Variants in SMAD1 observed in about 807,000 individuals in gnomAD.
SMAD1 encodes SMAD family member 1.
In SMAD1, 6 loss-of-function variants were observed where a neutral mutation model predicts 41.6. The observed-to-expected ratio is 0.14, with a 90% CI of 0.08 to 0.28. The LOEUF (loss-of-function observed/expected upper bound fraction) is 0.28, where lower values mean the gene tolerates loss of function less well. Ranked by LOEUF, SMAD1 falls within the 10% of genes least tolerant of loss-of-function variation. The pLI, the probability that SMAD1 is intolerant of heterozygous loss-of-function variation, is 1.00. For synonymous variants in SMAD1, 206 were observed against 203.2 expected (o/e 1.01, Z -0.12); for missense variants, 379 against 582.6 (o/e 0.65, Z 3.60).
At chr4:145,552,323 G>T (rs981228452) in intron 5 of SMAD1, among the ~76,000 whole-genome samples, 4 of 152,184 alleles carry the variant, frequency 2.6e-5, no homozygotes, top group Admixed American at 2.6e-4. Flanking sequence ...AACAAAACTT[G>T]TAATGTTTTC....
At chr4:145,524,470 T>C (rs1350810102) in intron 2 of SMAD1, among the ~76,000 whole-genome samples, 1 of 152,228 alleles carries the variant, frequency 6.6e-6, no homozygotes, top group Admixed American at 6.5e-5. Flanking sequence ...TATACATCGA[T>C]GGAAGCAGAC....
chr4:145,552,495 CT>C (rs1448129331), intron 5 of SMAD1, among the ~76,000 whole-genome samples: 4 of 152,066 alleles, frequency 2.6e-5, no homozygotes, highest in Non-Finnish European at 4.4e-5. Context: ...CCCTACTTTC[CT>C]TTTTTTAAAG....
At chr4:145,553,681 G>A (rs1732681577) in intron 5 of SMAD1, 103 bp from the exon 6 acceptor site, 9 of 1,095,834 alleles carry the variant, frequency 8.2e-6, no homozygotes, top group Non-Finnish European at 1.2e-5. Flanking sequence ...ACTAGCCAAA[G>A]TTTAAATCCA....
At chr4:145,527,672 C>T (rs1242322931) in intron 2 of SMAD1, among the ~76,000 whole-genome samples, 1 of 152,002 alleles carries the variant, frequency 6.6e-6, no homozygotes, top group Non-Finnish European at 1.5e-5. Flanking sequence ...TGCTGCTAAC[C>T]ACTGTGCTAT....
chr4:145,494,035 C>T (rs1411943088), intron 1 of SMAD1, among the ~76,000 whole-genome samples: 5 of 152,168 alleles, frequency 3.3e-5, no homozygotes, highest in Non-Finnish European at 4.4e-5. Flanking sequence ...GATCTTGGCT[C>T]ACTGCAACCT....
intron 1 of SMAD1, among the ~76,000 whole-genome samples, chr4:145,512,012 A>G (rs1010082096): frequency 6.6e-6 from 1 of 152,068 alleles, no homozygotes; most frequent in South Asian, 2.1e-4. Flanking sequence ...TCATTTTTTG[A>G]ATGTGTTTTT....
rs563299550 is a variant in SMAD1 at position 145,558,646 on chromosome 4, T to A, written c.*712T>A. Among the ~76,000 whole-genome samples the A allele has an allele frequency of 1.3e-5, 2 of 152,258 alleles. No individual in the cohort carries two copies. Among genetic ancestry groups the A allele is most frequent in the South Asian group, 4.2e-4 (2 of 4,818 alleles). On this transcript the variant is annotated 3_prime_UTR_variant, in exon 7 of 7. Transcript: ENST00000302085. ...ACAACTGCAAATGTAGACTATACTG[T>A]AAAAATTCAGTTTGTTGCTTTAAAG...
chr4:145,546,681 T>G lies in SMAD1; in HGVS notation c.776-22T>G, dbSNP rs1483016360. On this transcript the variant is annotated intron_variant, in intron 4 of 6. Transcript: ENST00000302085. ...AGCCTGAGGCACTAACCTTGGTTGA[T>G]ATAACATTTTCTTTCCTCTAGATGT... The G allele has an allele frequency of 6.4e-6, 10 of 1,571,000 alleles. No individual in the cohort carries two copies. In the Admixed American group the frequency reaches 1.5e-4, roughly 24 times the overall value.
Position 145,546,782 on chromosome 4 carries a change from A to G in SMAD1, c.855A>G (p.Glu285=). Residue 285 remains glutamate, a synonymous_variant, in exon 5 of 7, where the codon GAA becomes GAG. Coordinates refer to ENST00000302085, the MANE Select transcript of SMAD1 (RefSeq NM_005900.3). The part of the protein sequence containing the change: ...VYYELNNRVG[E]AFHASSTSVL... ...ATGAGCTCAACAATCGTGTGGGTGA[A>G]GCGTTCCATGCCTCCTCCACAAGTG... The G allele has an allele frequency of 6.2e-7, 1 of 1,614,074 alleles. No homozygotes were observed. The highest frequency in any genetic ancestry group is 8.5e-7 in the Non-Finnish European group (1 of 1,179,952).
intron 2 of SMAD1, among the ~76,000 whole-genome samples, chr4:145,539,141 T>G (rs1207940729): frequency 6.6e-6 from 1 of 152,208 alleles, no homozygotes; most frequent in Non-Finnish European, 1.5e-5. Context: ...GTGGTAAGGA[T>G]TCTTGAAAAG....
At position 145,546,727 on chromosome 4, in the gene SMAD1, A is replaced by T. The variant is rs1287682168; in HGVS notation, c.800A>T (p.Glu267Val). ...RGDVQAVAYE[E>V]PKHWCSIVYY... is the part of the protein sequence containing the mutation. Reference sequence around the variant, plus strand: ...GATGTTCAGGCGGTTGCTTATGAGGAACCAAAACACTGGTGCTCTATTGTC... The same window carrying T: ...GATGTTCAGGCGGTTGCTTATGAGGTACCAAAACACTGGTGCTCTATTGTC... The change falls in exon 5 of 7, where the codon GAA (glutamate) becomes GTA (valine). Residue 267 changes from glutamate to valine, a missense_variant. By Grantham distance (121) the Glu-to-Val change is moderately radical. Around this residue, in one of 3 missense-constraint regions of SMAD1, gnomAD observed 208 missense variants for 210.5 expected, o/e 0.99. Transcript: ENST00000302085. 6 of 1,613,510 alleles carry T rather than the reference A, an allele frequency of 3.7e-6. No homozygotes were observed. Among genetic ancestry groups the T allele is most frequent in the Non-Finnish European group, 4.2e-6 (5 of 1,179,962 alleles).
intron 1 of SMAD1, among the ~76,000 whole-genome samples, chr4:145,508,869 T>C (rs1262073696): frequency 6.6e-6 from 1 of 152,164 alleles, no homozygotes; most frequent in Non-Finnish European, 1.5e-5. Flanking sequence ...GGGATCTCTT[T>C]TATGAGGGCA....
In SMAD1 at chr4:145,546,686, C is replaced by A; in HGVS notation, c.776-17C>A. 6.3e-7 allele frequency: 1 copy of A among 1,592,078 alleles called. No individual in the cohort carries two copies. The highest frequency in any genetic ancestry group is 2.2e-5 in the East Asian group (1 of 44,776). On this transcript the variant is annotated splice_polypyrimidine_tract_variant and intron_variant, in intron 4 of 6. Coordinates refer to ENST00000302085, the MANE Select transcript of SMAD1 (RefSeq NM_005900.3). ...GAGGCACTAACCTTGGTTGATATAA[C>A]ATTTTCTTTCCTCTAGATGTTCAGG...
At position 145,547,015 on chromosome 4, in the gene SMAD1, T is replaced by A. The variant is rs894271806; in HGVS notation, c.997+91T>A. ...TTAAAATCATTCCTGTAACAAACTG[T>A]TGTAGCAAAGACCAGGTAATGTTCA... is the stretch of plus-strand genomic sequence containing the variant. On this transcript the variant is annotated intron_variant, in intron 5 of 6. Transcript: ENST00000302085. 9 of 1,040,650 alleles carry A rather than the reference T, an allele frequency of 8.6e-6. No individual in the cohort carries two copies. In the Admixed American group the frequency reaches 1.6e-4, roughly 19 times the overall value. 64.5% of individuals were successfully genotyped at this position (1,040,650 alleles called of 1,614,324 possible). A position where few individuals can be genotyped will look rare whatever the true frequency, so the allele number is the denominator to read the frequency against.
chr4:145,537,365 T>G (rs2126503548), intron 2 of SMAD1, among the ~76,000 whole-genome samples: 1 of 152,298 alleles, frequency 6.6e-6, no homozygotes. Flanking sequence ...GTTCTAGGGC[T>G]GGGGAATGGA....
At chr4:145,539,174 G>A (rs1164320723) in intron 2 of SMAD1, among the ~76,000 whole-genome samples, 13 of 152,110 alleles carry the variant, frequency 8.5e-5, no homozygotes, top group Non-Finnish European at 1.2e-4. Context: ...TTAGAAAAAA[G>A]ATGTTCATAA....
At chr4:145,556,742 G>A (rs1732857251) in intron 6 of SMAD1, among the ~76,000 whole-genome samples, 1 of 152,200 alleles carries the variant, frequency 6.6e-6, no homozygotes, top group South Asian at 2.1e-4. Context: ...CGACGCCAGA[G>A]TGCAGTGGCG....
chr4:145,553,978 C>T lies in SMAD1; in HGVS notation c.1192C>T (p.His398Tyr), dbSNP rs1339052741. 1 of 1,613,806 alleles carries T rather than the reference C, an allele frequency of 6.2e-7. No individual in the cohort carries two copies. Among genetic ancestry groups the T allele is most frequent in the South Asian group, 1.1e-5 (1 of 91,056 alleles). Residue 398 changes from histidine (H) to tyrosine (Y), a missense_variant, in exon 6 of 7, where the codon CAT becomes TAT. Physicochemically the swap from His to Tyr is moderately conservative, Grantham distance 83. Transcript: ENST00000302085. ...TCAGTTATTGGCACAGTCTGTGAAC[C>T]ATGGATTTGAGACAGTCTATGAGCT... ...FAQLLAQSVN[H>Y]GFETVYELTK...
chr4:145,498,240 T>C (rs1560727461), intron 1 of SMAD1, among the ~76,000 whole-genome samples: 1 of 152,232 alleles, frequency 6.6e-6, no homozygotes, highest in Non-Finnish European at 1.5e-5. Flanking sequence ...TTTGCTATAA[T>C]ATGCCATTTT....
Sources: gnomAD v4.1 joint callset for allele counts (sites outside exome capture counted in the v4.1 genomes callset) on GRCh38, gnomAD v4.1.1 for gene constraint, gnomAD v4.1.1 regional missense constraint, MANE v1.5 for transcripts, NCBI Gene and HGNC (gene_info 2026-07-23, HGNC 2026-07-21) for gene names.